NTM: variants seen among roughly 807,000 people sequenced by gnomAD.
NTM encodes IgLON family member 2.
NTM carries 13 observed loss-of-function variants against 42.1 expected under a neutral mutation model. The ratio of observed to expected loss-of-function variants is 0.31; its 90% CI spans 0.20 to 0.49. The LOEUF (loss-of-function observed/expected upper bound fraction) is 0.49. Among genes scored for constraint, NTM ranks in the 20% least tolerant of loss-of-function variants. NTM has a pLI of 0.99. For missense variants in NTM, 373 were observed against 452.8 expected, an observed-to-expected ratio of 0.82 and a Z score of 1.60; for synonymous variants, 187 against 179.2, an observed-to-expected ratio of 1.04 and a Z score of -0.35.
chr11:131,499,240 G>C (rs914812788), intron 1 of NTM, among the ~76,000 whole-genome samples: 1 of 152,180 alleles, frequency 6.6e-6, no homozygotes, highest in African/African-American at 2.4e-5. Context: ...TGAGATCCAT[G>C]CAGTAGGTTC....
intron 1 of NTM, among the ~76,000 whole-genome samples, chr11:131,820,336 T>C (rs1274846859): frequency 6.6e-6 from 1 of 152,184 alleles, no homozygotes; most frequent in Non-Finnish European, 1.5e-5. Context: ...TCCTCCAAGA[T>C]TCTGGGTAGG....
intron 2 of NTM, among the ~76,000 whole-genome samples, chr11:131,960,779 G>C (rs951575457): frequency 2.0e-5 from 3 of 152,210 alleles, no homozygotes; most frequent in Admixed American, 2.0e-4. Context: ...CTGAGGTTTT[G>C]GTCCGTACTC....
intron 1 of NTM, among the ~76,000 whole-genome samples, chr11:131,814,709 C>T (rs1156270581): frequency 1.3e-5 from 2 of 152,168 alleles, no homozygotes; most frequent in Admixed American, 6.5e-5. Context: ...CCTTGCTGCG[C>T]GTCTTGCGTT....
chr11:131,951,067 T>C (rs556564246), intron 2 of NTM, among the ~76,000 whole-genome samples: 15 of 152,332 alleles, frequency 9.8e-5, no homozygotes, highest in African/African-American at 3.6e-4. Flanking sequence ...CAATAGCCTG[T>C]AGCCTTAAGC....
intron 1 of NTM, among the ~76,000 whole-genome samples, chr11:131,462,733 C>T (rs1372083972): frequency 1.3e-5 from 2 of 152,164 alleles, no homozygotes; most frequent in Admixed American, 6.5e-5. Context: ...CAGCAACTTC[C>T]AGGAAGGGCC....
intron 4 of NTM, among the ~76,000 whole-genome samples, chr11:132,216,669 G>C (rs1280660730): frequency 9.9e-5 from 15 of 152,186 alleles, no homozygotes; most frequent in African/African-American, 3.4e-4. Context: ...ACTTCTCTTT[G>C]ATTCTCTCCT....
chr11:131,983,652 AG>A (rs1384979238), intron 2 of NTM, among the ~76,000 whole-genome samples: 1 of 152,226 alleles, frequency 6.6e-6, no homozygotes, highest in African/African-American at 2.4e-5. Flanking sequence ...CTGGTATTAC[AG>A]GCATGAGCCA....
intron 1 of NTM, among the ~76,000 whole-genome samples, chr11:131,863,432 G>A (rs1426744974): frequency 6.6e-6 from 1 of 152,190 alleles, no homozygotes; most frequent in African/African-American, 2.4e-5. Flanking sequence ...GCTGAGTGCA[G>A]TCAGACTGTC....
At chr11:131,860,578 C>T (rs2046529584) in intron 1 of NTM, among the ~76,000 whole-genome samples, 1 of 152,314 alleles carries the variant, frequency 6.6e-6, no homozygotes, top group Non-Finnish European at 1.5e-5. Context: ...ACGTATTCAG[C>T]ATAAACCACA....
intron 1 of NTM, among the ~76,000 whole-genome samples, chr11:131,626,705 G>A (rs948054190): frequency 6.6e-6 from 1 of 152,214 alleles, no homozygotes; most frequent in African/African-American, 2.4e-5. Context: ...GCAAGGAGGC[G>A]AAGGCTCCTA....
chr11:131,473,117 T>C (rs1363399391), intron 1 of NTM, among the ~76,000 whole-genome samples: 2 of 152,214 alleles, frequency 1.3e-5, no homozygotes, highest in Non-Finnish European at 2.9e-5. Context: ...TTTAATAAGA[T>C]ACTTGCACTT....
At chr11:131,706,976 A>C (rs1306257199) in intron 1 of NTM, among the ~76,000 whole-genome samples, 1 of 151,488 alleles carries the variant, frequency 6.6e-6, no homozygotes, top group Non-Finnish European at 1.5e-5. Flanking sequence ...ACTACTTATC[A>C]TTTCTTTGTG....
At chr11:132,035,212 G>A (rs1166939188) in intron 2 of NTM, among the ~76,000 whole-genome samples, 3 of 152,194 alleles carry the variant, frequency 2.0e-5, no homozygotes, top group Admixed American at 6.5e-5. Flanking sequence ...TCATACCAGA[G>A]TGAGTCCCCT....
intron 1 of NTM, among the ~76,000 whole-genome samples, chr11:131,733,277 C>T (rs2079928561): frequency 6.6e-6 from 1 of 152,062 alleles, no homozygotes; most frequent in Admixed American, 6.5e-5. Flanking sequence ...GAACTAAATC[C>T]AGGGCCCATT....
chr11:131,789,497 G>GAAGAAGAAGA lies in NTM; in HGVS notation c.83-122065_83-122056dup, dbSNP rs1565551077. On this transcript the variant is annotated intron_variant, in intron 1 of 8. Coordinates refer to ENST00000683400, the MANE Select transcript of NTM (RefSeq NM_001352005.2). ...GAAGAAGAAGAAGAAGAAGAGGAAA[G>GAAGAAGAAGA]AAGAAGAAGAAGAAGAAGAAGAAGA... 1.4e-3 allele frequency among the ~76,000 whole-genome samples: 5 copies of GAAGAAGAAGA among 3,464 alleles called. 2 individuals carry two copies. Among genetic ancestry groups the GAAGAAGAAGA allele is most frequent in the African/African-American group, 5.6e-3 (5 of 896 alleles). 2.3% of individuals were successfully genotyped at this position (3,464 alleles called of 152,430 possible). A position where few individuals can be genotyped will look rare whatever the true frequency, so the allele number is the denominator to read the frequency against.
At chr11:131,979,187 C>T (rs902506916) in intron 2 of NTM, among the ~76,000 whole-genome samples, 14 of 152,292 alleles carry the variant, frequency 9.2e-5, no homozygotes, top group African/African-American at 3.1e-4. Flanking sequence ...ATGCTATACA[C>T]TGAAACACAG....
intron 4 of NTM, among the ~76,000 whole-genome samples, chr11:132,291,240 A>C (rs1591784864): frequency 6.6e-6 from 1 of 152,326 alleles, no homozygotes; most frequent in East Asian, 1.9e-4. Context: ...AGTGAACAGA[A>C]GAGGATGGAT....
chr11:131,768,161 C>A (rs556195485), intron 1 of NTM, among the ~76,000 whole-genome samples: 1 of 144,130 alleles, frequency 6.9e-6, no homozygotes, highest in African/African-American at 2.6e-5. Context: ...TTGCTCTTGT[C>A]GCCCAGGCTG....
intron 2 of NTM, among the ~76,000 whole-genome samples, chr11:132,087,258 C>G (rs117215234): frequency 0.019 from 2,832 of 152,140 alleles, 48 homozygotes; most frequent in Non-Finnish European, 0.031. Context: ...CACTTTTGCC[C>G]ACGTACTGCC....
Sources: allele counts gnomAD v4.1 joint callset (sites outside exome capture counted in the v4.1 genomes callset), GRCh38; gene constraint gnomAD v4.1.1; transcripts MANE v1.5; gene names NCBI Gene and HGNC (gene_info 2026-07-23, HGNC 2026-07-21).